The following KCNJ8 variants were observed in gnomAD, a reference collection of about 807,000 sequenced individuals.
KCNJ8 encodes potassium inwardly rectifying channel subfamily J member 8.
Under a neutral mutation model 28.2 loss-of-function variants are expected in KCNJ8, and 13 were observed. That is an observed-to-expected ratio of 0.46 (90% CI 0.30 to 0.73). KCNJ8 has a LOEUF of 0.73. KCNJ8 is among the 30% of genes least tolerant of loss of function. KCNJ8 has a pLI of 0.07. For missense variants in KCNJ8, 284 were observed against 542.6 expected, an observed-to-expected ratio of 0.52 and a Z score of 4.73; for synonymous variants, 188 against 195.9, an observed-to-expected ratio of 0.96 and a Z score of 0.34.
intron 2 of KCNJ8, among the ~76,000 whole-genome samples, chr12:21,770,187 A>G (rs1002646432): frequency 3.3e-5 from 5 of 152,212 alleles, no homozygotes; most frequent in African/African-American, 1.2e-4. Flanking sequence ...ACCCAGATCA[A>G]TCAGCAGCCA....
At chr12:21,772,301 A>T (rs1399455623) in intron 2 of KCNJ8, among the ~76,000 whole-genome samples, 1 of 152,116 alleles carries the variant, frequency 6.6e-6, no homozygotes, top group Non-Finnish European at 1.5e-5. Flanking sequence ...GTTTTGGAAA[A>T]TTTTCCAGTA....
rs1019090622 is a variant in KCNJ8, at chr12:21,773,692, C to T, written c.-70-6G>A. On this transcript the variant is annotated splice_region_variant and splice_polypyrimidine_tract_variant and intron_variant, in intron 1 of 2. Coordinates refer to ENST00000240662, the MANE Select transcript of KCNJ8 (RefSeq NM_004982.4). The surrounding 1 kb of genome is among the most constrained non-coding windows in gnomAD (Gnocchi z 4.6). ...GTCCCTGGACACCCGTCCTCCTGCA[C>T]GAGGGAAACATTTATTAAAAACTTA... The T allele has an allele frequency of 1.1e-4, 170 of 1,592,596 alleles. No homozygotes were observed. Among genetic ancestry groups the T allele is most frequent in the Non-Finnish European group, 1.4e-4 (160 of 1,172,196 alleles).
At chr12:21,770,328 A>AT (rs1940729068) in intron 2 of KCNJ8, among the ~76,000 whole-genome samples, 1 of 152,196 alleles carries the variant, frequency 6.6e-6, no homozygotes, top group Non-Finnish European at 1.5e-5. Flanking sequence ...CCATAATGGT[A>AT]TTACACACTT....
chr12:21,767,950 A>G (rs1940670398), intron 2 of KCNJ8, among the ~76,000 whole-genome samples: 1 of 151,954 alleles, frequency 6.6e-6, no homozygotes, highest in Non-Finnish European at 1.5e-5. Flanking sequence ...ATGATGTGTG[A>G]TTAGTGATAT....
intron 2 of KCNJ8, among the ~76,000 whole-genome samples, chr12:21,772,906 G>A (rs1372697091): frequency 6.6e-6 from 1 of 152,184 alleles, no homozygotes; most frequent in Non-Finnish European, 1.5e-5. Context: ...ATGGACAACA[G>A]CTTTTTCATA....
In KCNJ8 at chr12:21,765,891, G is replaced by A. The variant is rs1271350536; in HGVS notation, c.1107C>T (p.Leu369=). 1 of 1,614,032 alleles carries A rather than the reference G, an allele frequency of 6.2e-7. No individual in the cohort carries two copies. The highest frequency in any genetic ancestry group is 1.3e-5 in the African/African-American group (1 of 74,904). Residue 369 remains leucine (L), a synonymous_variant, in exon 3 of 3, where the codon CTC becomes CTT. Coordinates refer to ENST00000240662, the MANE Select transcript of KCNJ8 (RefSeq NM_004982.4). ...DEKPSILIQT[L]QKSELSHQNS... ...TTTGATGAGACAGTTCACTCTTTTGGAGGGTCTGAATAAGGATGGAAGGTT... is the reference window on the plus strand; with the variant it reads ...TTTGATGAGACAGTTCACTCTTTTGAAGGGTCTGAATAAGGATGGAAGGTT...
At position 21,766,411 on chromosome 12, in the gene KCNJ8, T is replaced by C. The variant is rs768980774; in HGVS notation, c.587A>G (p.His196Arg). The change falls in exon 3 of 3, where the codon CAT (histidine) becomes CGT (arginine). Residue 196 changes from histidine to arginine, a missense_variant. Coordinates refer to ENST00000240662, the MANE Select transcript of KCNJ8 (RefSeq NM_004982.4). The surrounding 1 kb of genome is among the most constrained non-coding windows in gnomAD (Gnocchi z 6.5). Reference protein sequence around the residue: ...RRAETLIFSRHAVIAVRNGKL... With the variant: ...RRAETLIFSRRAVIAVRNGKL... The stretch of plus-strand genomic sequence containing the variant: ...GCCATTTCGGACGGCAATCACAGCA[T>C]GGCGGCTGAAAATCAAAGTTTCTGC... 6 of 1,614,056 alleles carry C rather than the reference T, an allele frequency of 3.7e-6. No homozygotes were observed. In the Admixed American group the frequency reaches 5.0e-5, roughly 13 times the overall value.
chr12:21,769,462 C>A (rs1940707876), intron 2 of KCNJ8, among the ~76,000 whole-genome samples: 2 of 152,174 alleles, frequency 1.3e-5, no homozygotes, highest in African/African-American at 4.8e-5. Context: ...TGCTTATTAA[C>A]ACAACATCCA....
intron 2 of KCNJ8, among the ~76,000 whole-genome samples, chr12:21,772,657 C>G (rs1940789358): frequency 6.6e-6 from 1 of 152,158 alleles, no homozygotes; most frequent in Non-Finnish European, 1.5e-5. Context: ...CTTAGCATAA[C>G]TTTTAATTTC....
chr12:21,773,363 A>T lies in KCNJ8; in HGVS notation c.254T>A (p.Leu85Gln). Residue 85 changes from leucine to glutamine, a missense_variant, in exon 2 of 3, where the codon CTG becomes CAG. This residue lies in a region of KCNJ8 where 42 missense variants were observed against 50.9 expected (regional missense o/e 0.83). Transcript: ENST00000240662. The surrounding 1 kb of genome is among the most constrained non-coding windows in gnomAD (Gnocchi z 4.6). ...IFTMSFLCSW[L>Q]LFAIMWWLVA... is the part of the protein sequence containing the mutation. Reference sequence around the variant, plus strand: ...CAGCCACCACATGATAGCGAAGAGCAGCCAGCTGCAGAGGAAGGACATGGT... The same window carrying T: ...CAGCCACCACATGATAGCGAAGAGCTGCCAGCTGCAGAGGAAGGACATGGT... 1 of 1,614,256 alleles carries T rather than the reference A, an allele frequency of 6.2e-7. No homozygotes were observed. Among genetic ancestry groups the T allele is most frequent in the South Asian group, 1.1e-5 (1 of 91,090 alleles).
chr12:21,772,048 G>A (rs1940769594), intron 2 of KCNJ8, among the ~76,000 whole-genome samples: 2 of 152,130 alleles, frequency 1.3e-5, no homozygotes, highest in Admixed American at 1.3e-4. Context: ...TGAAATCTGT[G>A]GTGTGTGATC....
At position 21,771,102 on chromosome 12, in the gene KCNJ8, G is replaced by GTA. The variant is rs1222419706; in HGVS notation, c.374+2139_374+2140dup. 2.6e-5 allele frequency among the ~76,000 whole-genome samples: 4 copies of GTA among 152,112 alleles called. No individual in the cohort carries two copies. In the East Asian group the frequency reaches 7.7e-4, roughly 29 times the overall value. The stretch of plus-strand genomic sequence containing the variant: ...CTAACTACCCACAAAAAGATATCTG[G>GTA]TATAGCCCCAAAACATGGCAAGAAT... On this transcript the variant is annotated intron_variant, in intron 2 of 2. Transcript: ENST00000240662.
chr12:21,769,528 A>C (rs1272450205), intron 2 of KCNJ8, among the ~76,000 whole-genome samples: 2 of 152,282 alleles, frequency 1.3e-5, no homozygotes, highest in African/African-American at 2.4e-5. Flanking sequence ...TTACTTAAGA[A>C]ATTTACATTT....
In KCNJ8 at chr12:21,765,952, G is replaced by A. The variant is rs1209476623; in HGVS notation, c.1046C>T (p.Ala349Val). 10 of 1,614,202 alleles carry A rather than the reference G, an allele frequency of 6.2e-6. No homozygotes were observed. The highest frequency in any genetic ancestry group is 1.7e-5 in the Admixed American group (1 of 60,024). Residue 349 changes from alanine (A) to valine (V), a missense_variant, in exon 3 of 3, where the codon GCT (alanine) becomes GTT (valine). Coordinates refer to ENST00000240662, the MANE Select transcript of KCNJ8 (RefSeq NM_004982.4). ...CTCTCGGGCACTGCACCGTGGAGCA[G>A]CTACTTTAACAGTGTTGCCAAATTT... Reference protein sequence around the residue: ...YSKFGNTVKVAAPRCSARELD... With the variant: ...YSKFGNTVKVVAPRCSARELD...
rs926782560 is a variant in KCNJ8 at position 21,768,142 on chromosome 12, C to A, written c.375-1519G>T. Among the ~76,000 whole-genome samples, 5 of 152,174 alleles carry A rather than the reference C, an allele frequency of 3.3e-5. No individual in the cohort carries two copies. In the South Asian group the frequency reaches 6.2e-4, roughly 19 times the overall value. On this transcript the variant is annotated intron_variant, in intron 2 of 2. Coordinates refer to ENST00000240662, the MANE Select transcript of KCNJ8 (RefSeq NM_004982.4). ...CAAGGAGCCCGCAGCCTAGATCCCT[C>A]ACCTTCGCAGTTCACCGTAGGGTTC...
Position 21,766,317 on chromosome 12 carries a change from G to A in KCNJ8, c.681C>T (p.Ile227=). The change falls in exon 3 of 3, where the codon ATC becomes ATT. Residue 227 remains isoleucine, a synonymous_variant. Coordinates refer to ENST00000240662, the MANE Select transcript of KCNJ8 (RefSeq NM_004982.4). The surrounding 1 kb of genome is among the most constrained non-coding windows in gnomAD (Gnocchi z 6.5). ...GTGTAGTTGTTTTCTTGACCACCTG[G>A]ATGCGCACAGAGGCACTAATGATCA... ...KSMIISASVR[I]QVVKKTTTPE... is the part of the protein sequence containing the mutation. The A allele has an allele frequency of 6.2e-7, 1 of 1,614,144 alleles. No homozygotes were observed. Among genetic ancestry groups the A allele is most frequent in the Admixed American group, 1.7e-5 (1 of 60,014 alleles).
Position 21,766,640 on chromosome 12 carries a change from C to G in KCNJ8, c.375-17G>C. The G allele has an allele frequency of 1.3e-6, 2 of 1,574,512 alleles. No homozygotes were observed. The highest frequency in any genetic ancestry group is 1.7e-6 in the Non-Finnish European group (2 of 1,157,712). Reference sequence around the variant, plus strand: ...GTGAAAGACCTGTGAGGAATGATATCAGAAAAGAACACCATCAGGTCACAT... The same window carrying G: ...GTGAAAGACCTGTGAGGAATGATATGAGAAAAGAACACCATCAGGTCACAT... On this transcript the variant is annotated splice_polypyrimidine_tract_variant and intron_variant, in intron 2 of 2. Transcript: ENST00000240662. The surrounding 1 kb of genome is among the most constrained non-coding windows in gnomAD (Gnocchi z 6.5).
intron 2 of KCNJ8, among the ~76,000 whole-genome samples, chr12:21,770,558 T>G (rs931356654): frequency 1.3e-5 from 2 of 152,188 alleles, no homozygotes; most frequent in East Asian, 1.9e-4. Context: ...AGTTGTAGGA[T>G]TTTCTTGGGA....
At chr12:21,768,598 T>C (rs1038193242) in intron 2 of KCNJ8, among the ~76,000 whole-genome samples, 7 of 152,218 alleles carry the variant, frequency 4.6e-5, no homozygotes, top group East Asian at 1.9e-4. Context: ...AAAGCCACGA[T>C]AGGCCAAAGT....
Sources: allele counts gnomAD v4.1 joint callset (sites outside exome capture counted in the v4.1 genomes callset), GRCh38; gene constraint gnomAD v4.1.1; regional missense constraint gnomAD v4.1.1; non-coding constraint Gnocchi (gnomAD v3.1); transcripts MANE v1.5; gene names NCBI Gene and HGNC (gene_info 2026-07-23, HGNC 2026-07-21).